The following ACVR2A variants were observed in gnomAD, a reference collection of about 807,000 sequenced individuals.
The protein encoded by ACVR2A is activin A receptor type 2A, also known as activin receptor type-2A.
ACVR2A carries 7 observed loss-of-function variants against 61.4 expected under a neutral mutation model. The observed-to-expected ratio is 0.11, with a 90% CI of 0.06 to 0.21. The LOEUF is 0.21. ACVR2A is among the 10% of genes least tolerant of loss of function. ACVR2A has a pLI of 1.00. For synonymous variants in ACVR2A, 193 were observed against 208.3 expected (o/e 0.93, Z 0.63); for missense variants, 322 against 621.7 (o/e 0.52, Z 5.13).
chr2:147,897,331 G>A (rs1295789379), intron 2 of ACVR2A, among the ~76,000 whole-genome samples: 1 of 152,072 alleles, frequency 6.6e-6, no homozygotes, highest in Admixed American at 6.6e-5. Context: ...ATTTTAACTT[G>A]ACATTCAGAA....
At chr2:147,899,424 T>G (rs769021459) in intron 2 of ACVR2A, 34 bp from the exon 3 acceptor site, 78 of 1,461,240 alleles carry the variant, frequency 5.3e-5, no homozygotes, top group Non-Finnish European at 7.1e-5. Flanking sequence ...ATAATAATAT[T>G]GATTTTAATT....
chr2:147,861,066 A>G (rs1361088318), intron 1 of ACVR2A, among the ~76,000 whole-genome samples: 1 of 152,114 alleles, frequency 6.6e-6, no homozygotes, highest in Non-Finnish European at 1.5e-5. Flanking sequence ...CACAGTTGTT[A>G]TAAAGTGTAA....
intron 1 of ACVR2A, among the ~76,000 whole-genome samples, chr2:147,874,215 C>T (rs1274917087): frequency 6.6e-6 from 1 of 151,852 alleles, no homozygotes; most frequent in Non-Finnish European, 1.5e-5. Context: ...CAGTCTTGAC[C>T]ACTTAACTTT....
chr2:147,923,639 A>G (rs946320188), intron 9 of ACVR2A, among the ~76,000 whole-genome samples: 1 of 152,080 alleles, frequency 6.6e-6, no homozygotes, highest in African/African-American at 2.4e-5. Context: ...TTCAGACGAT[A>G]TTTCCAGTGT....
chr2:147,891,368 C>T lies in ACVR2A; in HGVS notation c.56-4933C>T, dbSNP rs373741802. ...TTAAATAGGTGATAATTCACAGAGC[C>T]CCCTTTCCCAACAAAATAAACAAAA... On this transcript the variant is annotated intron_variant, in intron 1 of 10. Transcript: ENST00000241416. Among the ~76,000 whole-genome samples, 60 of 152,002 alleles carry T rather than the reference C, an allele frequency of 3.9e-4. 1 individual carries two copies. In the East Asian group the frequency reaches 7.0e-3, roughly 18 times the overall value.
intron 1 of ACVR2A, among the ~76,000 whole-genome samples, chr2:147,888,172 T>A (rs1016726400): frequency 1.3e-5 from 2 of 152,190 alleles, no homozygotes; most frequent in Admixed American, 1.3e-4. Context: ...TTTTCACTGA[T>A]GTATGTTTCT....
At chr2:147,907,353 C>T (rs549545787) in intron 4 of ACVR2A, among the ~76,000 whole-genome samples, 1 of 152,192 alleles carries the variant, frequency 6.6e-6, no homozygotes, top group South Asian at 2.1e-4. Flanking sequence ...TGGGTATATA[C>T]CCAGTAATGG....
intron 9 of ACVR2A, among the ~76,000 whole-genome samples, chr2:147,925,246 GCTT>G (rs1413402625): frequency 2.0e-5 from 3 of 151,918 alleles, no homozygotes; most frequent in African/African-American, 4.8e-5. Context: ...ACTTTTCTGA[GCTT>G]CTTATCAGTA....
At chr2:147,903,773 T>C (rs1242558492) in intron 4 of ACVR2A, among the ~76,000 whole-genome samples, 1 of 151,966 alleles carries the variant, frequency 6.6e-6, no homozygotes, top group African/African-American at 2.4e-5. Flanking sequence ...ATAACCCCAG[T>C]TGAGAAGGGC....
intron 1 of ACVR2A, among the ~76,000 whole-genome samples, chr2:147,868,572 G>GC (rs536539109): frequency 0.016 from 2,406 of 150,296 alleles, 28 homozygotes; most frequent in African/African-American, 0.031. Flanking sequence ...TCTGTTCCCT[G>GC]CCCCCCCCAA....
At chr2:147,848,236 A>T (rs937847577) in intron 1 of ACVR2A, among the ~76,000 whole-genome samples, 1 of 152,208 alleles carries the variant, frequency 6.6e-6, no homozygotes, top group Non-Finnish European at 1.5e-5. Flanking sequence ...ATTCAAATAT[A>T]ATACATTGAA....
At chr2:147,852,965 A>G (rs1685483977) in intron 1 of ACVR2A, among the ~76,000 whole-genome samples, 1 of 152,056 alleles carries the variant, frequency 6.6e-6, no homozygotes, top group Admixed American at 6.6e-5. Flanking sequence ...CTTAAATTCA[A>G]ATGAAAAGTA....
intron 10 of ACVR2A, among the ~76,000 whole-genome samples, chr2:147,926,620 A>AT (rs1687506019): frequency 6.6e-6 from 1 of 151,980 alleles, no homozygotes; most frequent in Non-Finnish European, 1.5e-5. Flanking sequence ...GACCAGGCAC[A>AT]TAACAGTATT....
chr2:147,904,217 A>G (rs1463118940), intron 4 of ACVR2A, among the ~76,000 whole-genome samples: 2 of 152,008 alleles, frequency 1.3e-5, no homozygotes, highest in Non-Finnish European at 2.9e-5. Flanking sequence ...TGCATTGAGT[A>G]AACCGAATGC....
rs151332224 is a variant in ACVR2A, at chr2:147,909,551, A to G, written c.529-5640A>G. ...TCACCGTTACCTACAGTTATAGTAT[A>G]TAATAGTCAAGCTACATTTTCTATG... On this transcript the variant is annotated intron_variant, in intron 4 of 10. Transcript: ENST00000241416. Among the ~76,000 whole-genome samples, 189 of 152,302 alleles carry G rather than the reference A, an allele frequency of 1.2e-3. 3 individuals carry two copies. The East Asian group carries it at 0.034, about 28-fold the overall frequency.
intron 4 of ACVR2A, among the ~76,000 whole-genome samples, chr2:147,913,822 C>CAAAAAAA (rs575237522): frequency 1.6e-5 from 1 of 61,782 alleles, no homozygotes; most frequent in Non-Finnish European, 2.6e-5. Context: ...AACTTGTAGA[C>CAAAAAAA]AAAAAAAAAA....
Position 147,915,343 on chromosome 2 carries a change from A to T in ACVR2A, c.672+9A>T. On this transcript the variant is annotated intron_variant, in intron 5 of 10. Coordinates refer to ENST00000241416, the MANE Select transcript of ACVR2A (RefSeq NM_001616.5). ...AAATATTTCCAATACAGGTATGTTT[A>T]TTGCAGTTTTGTCATCTTACATACA... 1 of 1,610,640 alleles carries T rather than the reference A, an allele frequency of 6.2e-7. No homozygotes were observed. The highest frequency in any genetic ancestry group is 8.5e-7 in the Non-Finnish European group (1 of 1,177,842).
At chr2:147,875,459 A>G (rs1686130098) in intron 1 of ACVR2A, among the ~76,000 whole-genome samples, 1 of 152,086 alleles carries the variant, frequency 6.6e-6, no homozygotes, top group Non-Finnish European at 1.5e-5. Flanking sequence ...AATCCTACAC[A>G]TAACTAATAG....
chr2:147,873,093 G>A (rs2105160066), intron 1 of ACVR2A, among the ~76,000 whole-genome samples: 1 of 151,904 alleles, frequency 6.6e-6, no homozygotes, highest in South Asian at 2.1e-4. Flanking sequence ...TGAACTAGTT[G>A]GTACAACATT....
Sources: gnomAD v4.1 joint callset for allele counts (sites outside exome capture counted in the v4.1 genomes callset) on GRCh38, gnomAD v4.1.1 for gene constraint, MANE v1.5 for transcripts, NCBI Gene and HGNC (gene_info 2026-07-23, HGNC 2026-07-21) for gene names.